CTNNA3: variants seen among roughly 807,000 people sequenced by gnomAD.
The protein encoded by CTNNA3 is catenin alpha-3.
Under a neutral mutation model 95.7 loss-of-function variants are expected in CTNNA3, and 76 were observed. The ratio of observed to expected loss-of-function variants is 0.79; its 90% CI spans 0.66 to 0.96. The LOEUF (loss-of-function observed/expected upper bound fraction) is 0.96. Among genes scored for constraint, CTNNA3 ranks in the 40% least tolerant of loss-of-function variants. CTNNA3 has a pLI of 0.00. For missense variants in CTNNA3, 1,191 were observed against 1,089.8 expected, an observed-to-expected ratio of 1.09 and a Z score of -1.31; for synonymous variants, 431 against 374.4, an observed-to-expected ratio of 1.15 and a Z score of -1.74.
chr10:67,120,451 G>A (rs1442313588), intron 7 of CTNNA3, among the ~76,000 whole-genome samples: 3 of 151,890 alleles, frequency 2.0e-5, no homozygotes, highest in Non-Finnish European at 1.5e-5. Context: ...GAAGTATCCT[G>A]AATGACCATT....
intron 6 of CTNNA3, among the ~76,000 whole-genome samples, chr10:67,213,468 T>C (rs189868225): frequency 6.6e-6 from 1 of 151,848 alleles, no homozygotes; most frequent in Non-Finnish European, 1.5e-5. Context: ...TTCTTATCTT[T>C]ATTAATTTTT....
At chr10:67,052,433 G>A (rs1040967910) in intron 7 of CTNNA3, among the ~76,000 whole-genome samples, 1 of 151,804 alleles carries the variant, frequency 6.6e-6, no homozygotes, top group Non-Finnish European at 1.5e-5. Context: ...GGCCTAGAAC[G>A]AAATGGGCTT....
intron 7 of CTNNA3, among the ~76,000 whole-genome samples, chr10:66,938,414 G>T (rs893782768): frequency 6.6e-6 from 1 of 151,942 alleles, no homozygotes; most frequent in Non-Finnish European, 1.5e-5. Context: ...ATCTTATTCT[G>T]TATTTTATAA....
At chr10:66,991,672 C>T (rs1175770334) in intron 7 of CTNNA3, among the ~76,000 whole-genome samples, 1 of 152,114 alleles carries the variant, frequency 6.6e-6, no homozygotes, top group Non-Finnish European at 1.5e-5. Flanking sequence ...CCGCCTCAGC[C>T]TCCTGAGTAG....
chr10:67,145,004 T>C (rs1860771921), intron 7 of CTNNA3, among the ~76,000 whole-genome samples: 1 of 151,988 alleles, frequency 6.6e-6, no homozygotes, highest in African/African-American at 2.4e-5. Flanking sequence ...CACTGTAGGG[T>C]TATTACTTGG....
At chr10:67,385,110 A>G (rs373861051) in intron 5 of CTNNA3, among the ~76,000 whole-genome samples, 1 of 152,308 alleles carries the variant, frequency 6.6e-6, no homozygotes, top group African/African-American at 2.4e-5. Flanking sequence ...AGTAGTAAAG[A>G]TTTGAATTTC....
chr10:66,923,729 C>T (rs1328401958), intron 7 of CTNNA3, among the ~76,000 whole-genome samples: 1 of 152,120 alleles, frequency 6.6e-6, no homozygotes, highest in Non-Finnish European at 1.5e-5. Context: ...TTGTATATAC[C>T]TCCTTTAAGA....
chr10:65,964,603 G>A (rs1366671332), intron 17 of CTNNA3, among the ~76,000 whole-genome samples: 3 of 152,120 alleles, frequency 2.0e-5, no homozygotes, highest in African/African-American at 7.2e-5. Flanking sequence ...CTATGCAGAG[G>A]CTGAACTTCT....
intron 1 of CTNNA3, among the ~76,000 whole-genome samples, chr10:67,732,283 A>G (rs888497893): frequency 6.6e-6 from 1 of 152,170 alleles, no homozygotes; most frequent in East Asian, 1.9e-4. Context: ...ATATAAAACA[A>G]TTTAAATTGT....
intron 5 of CTNNA3, among the ~76,000 whole-genome samples, chr10:67,299,230 G>A (rs1326348729): frequency 6.6e-6 from 1 of 151,920 alleles, no homozygotes; most frequent in Non-Finnish European, 1.5e-5. Flanking sequence ...CCTCAGCTAG[G>A]TGAAAAATGT....
At chr10:66,130,651 T>C (rs1222437375) in intron 13 of CTNNA3, among the ~76,000 whole-genome samples, 1 of 151,858 alleles carries the variant, frequency 6.6e-6, no homozygotes, top group African/African-American at 2.4e-5. Flanking sequence ...GAGACCATCC[T>C]GGCCAACATG....
At chr10:67,143,625 A>G (rs1207233605) in intron 7 of CTNNA3, among the ~76,000 whole-genome samples, 1 of 152,078 alleles carries the variant, frequency 6.6e-6, no homozygotes, top group African/African-American at 2.4e-5. Flanking sequence ...AATAGAGTTC[A>G]TCTCAAGAAA....
intron 1 of CTNNA3, among the ~76,000 whole-genome samples, chr10:67,747,514 C>A (rs1319229015): frequency 6.6e-6 from 1 of 152,168 alleles, no homozygotes; most frequent in Admixed American, 6.5e-5. Flanking sequence ...CAAACCACAG[C>A]AGCCCTACAG....
chr10:66,831,670 A>C (rs1842724945), intron 7 of CTNNA3, among the ~76,000 whole-genome samples: 1 of 152,146 alleles, frequency 6.6e-6, no homozygotes, highest in South Asian at 2.1e-4. Context: ...CAATTCAATA[A>C]AGAGTTGTGC....
chr10:66,442,784 C>T (rs988804942), intron 11 of CTNNA3, among the ~76,000 whole-genome samples: 1 of 152,184 alleles, frequency 6.6e-6, no homozygotes, highest in African/African-American at 2.4e-5. Context: ...GGGTTCATCT[C>T]ACTAGGGAGT....
chr10:66,673,129 C>G (rs1431379574), intron 9 of CTNNA3, among the ~76,000 whole-genome samples: 1 of 152,046 alleles, frequency 6.6e-6, no homozygotes, highest in Non-Finnish European at 1.5e-5. Flanking sequence ...CTGATTCAAT[C>G]TATTGCTAAT....
chr10:67,304,337 C>G (rs369141153), intron 5 of CTNNA3, among the ~76,000 whole-genome samples: 4 of 152,146 alleles, frequency 2.6e-5, no homozygotes, highest in African/African-American at 9.7e-5. Flanking sequence ...GAATAAGAAG[C>G]CTTGTTTATA....
intron 5 of CTNNA3, among the ~76,000 whole-genome samples, chr10:67,372,271 C>T (rs1174214434): frequency 1.3e-5 from 2 of 152,118 alleles, no homozygotes; most frequent in Non-Finnish European, 2.9e-5. Context: ...GTTGCCATTG[C>T]TTTTGGTGTT....
chr10:67,215,898 T>A (rs1417929417), intron 6 of CTNNA3, among the ~76,000 whole-genome samples: 1 of 152,184 alleles, frequency 6.6e-6, no homozygotes, highest in Non-Finnish European at 1.5e-5. Context: ...TCCCCCAGCA[T>A]AATGCTGGTG....
Sources: allele counts gnomAD v4.1 joint callset (sites outside exome capture counted in the v4.1 genomes callset), GRCh38; gene constraint gnomAD v4.1.1; transcripts MANE v1.5; gene names NCBI Gene and HGNC (gene_info 2026-07-23, HGNC 2026-07-21).